The following UNC80 variants were observed in gnomAD, a reference collection of about 807,000 sequenced individuals.
UNC80 encodes the protein unc-80 subunit of NALCN channel complex.
A neutral mutation model predicts 384.6 loss-of-function variants in UNC80; 164 were observed. The observed-to-expected ratio is 0.43, with a 90% CI of 0.38 to 0.49. UNC80 has a LOEUF of 0.49. UNC80 is among the 20% of genes least tolerant of loss of function. The probability of loss-of-function intolerance (pLI) is 0.00; values close to 1 mark genes in which losing one functional copy is unlikely to be tolerated. For missense variants in UNC80, 3,330 were observed against 4,143.0 expected (o/e 0.80, Z 5.39); for synonymous variants, 1,486 against 1,527.8 (o/e 0.97, Z 0.64).
At chr2:209,922,200 A>C in intron 34 of UNC80, 52 bp from the exon 35 acceptor site, 1 of 1,544,482 alleles carries the variant, frequency 6.5e-7, no homozygotes, top group Non-Finnish European at 8.8e-7. Context: ...TGTGATAATA[A>C]TAACTCTTTT....
rs1364261298 is a variant in UNC80 at position 209,817,940 on chromosome 2, A to G, written c.1681A>G (p.Thr561Ala). 2 of 1,551,510 alleles carry G rather than the reference A, an allele frequency of 1.3e-6. No homozygotes were observed. The highest frequency in any genetic ancestry group is 1.4e-5 in the African/African-American group (1 of 73,114). Residue 561 changes from threonine to alanine, a missense_variant, in exon 11 of 65, where the codon ACC becomes GCC. This residue lies in a region of UNC80 where 937 missense variants were observed against 1,026.8 expected (regional missense o/e 0.91). Transcript: ENST00000673920. ...PDPSNSHGEN[T>A]VKEVRSQIST... ...CCCCTCCAACAGCCATGGAGAAAAC[A>G]CCGTCAAGGAAGGTGGGTAGGAGGT...
intron 29 of UNC80, among the ~76,000 whole-genome samples, chr2:209,909,743 A>G (rs1388011052): frequency 1.3e-5 from 2 of 152,130 alleles, no homozygotes; most frequent in Non-Finnish European, 2.9e-5. Flanking sequence ...GAGGAGTCAC[A>G]GAGTCAACTA....
At chr2:209,870,064 G>T (rs777371726) in intron 22 of UNC80, among the ~76,000 whole-genome samples, 2 of 152,114 alleles carry the variant, frequency 1.3e-5, no homozygotes, top group Non-Finnish European at 2.9e-5. Flanking sequence ...CCTCTCAGTT[G>T]CCATCTAACA....
intron 14 of UNC80, among the ~76,000 whole-genome samples, chr2:209,828,765 G>A (rs938572781): frequency 3.9e-5 from 6 of 151,924 alleles, no homozygotes; most frequent in African/African-American, 7.3e-5. Context: ...CAGAGACTTC[G>A]GTCATTGTCC....
In UNC80 at chr2:209,993,321, C is replaced by T. The variant is rs1401772812; in HGVS notation, c.9403C>T (p.Arg3135Cys). 8 of 1,551,606 alleles carry T rather than the reference C, an allele frequency of 5.2e-6. No individual in the cohort carries two copies. The highest frequency in any genetic ancestry group is 3.3e-4 in the Middle Eastern group (2 of 6,018). Reference sequence around the variant, plus strand: ...TTCTGCCTATTCTCTTTAGCTAAGACGTCCTCTACTATCACGTCAGAAAAC... The same window carrying T: ...TTCTGCCTATTCTCTTTAGCTAAGATGTCCTCTACTATCACGTCAGAAAAC... ...GRKRGLRQLR[R>C]PLLSRQKTQT... Residue 3135 changes from arginine (R) to cysteine (C), a missense_variant, in exon 63 of 65, where the codon CGT becomes TGT. Physicochemically the swap from Arg to Cys is radical, Grantham distance 180 (BLOSUM62 -3). Transcript: ENST00000673920.
chr2:209,840,940 C>G (rs573192468), intron 20 of UNC80, among the ~76,000 whole-genome samples: 1 of 152,106 alleles, frequency 6.6e-6, no homozygotes, highest in Non-Finnish European at 1.5e-5. Context: ...TTTAACACAC[C>G]TATGAAATGA....
At chr2:209,951,001 C>T (rs113094586) in intron 47 of UNC80, among the ~76,000 whole-genome samples, 2,591 of 151,940 alleles carry the variant, frequency 0.017, 92 homozygotes, top group African/African-American at 0.059. Context: ...GGCAAAACCC[C>T]GTCCCTACAA....
rs1440293420 is a variant in UNC80, at chr2:209,967,426, A to G, written c.7806-11A>G. On this transcript the variant is annotated splice_polypyrimidine_tract_variant and intron_variant, in intron 51 of 64. Transcript: ENST00000673920. ...TACTTTAAAATATATATACATATAT[A>G]TATATTTTAGGTTGGCAGAAATTGC... 4 of 1,535,132 alleles carry G rather than the reference A, an allele frequency of 2.6e-6. No homozygotes were observed. The highest frequency in any genetic ancestry group is 2.0e-5 in the Admixed American group (1 of 49,744).
chr2:209,791,991 A>G (rs1311838945), intron 6 of UNC80, among the ~76,000 whole-genome samples: 1 of 152,126 alleles, frequency 6.6e-6, no homozygotes, highest in Admixed American at 6.5e-5. Flanking sequence ...TGTACATCAG[A>G]TTTTGAAAAT....
intron 62 of UNC80, among the ~76,000 whole-genome samples, 191 bp downstream of exon 62, chr2:209,992,438 T>C (rs1369741549): frequency 6.6e-6 from 1 of 152,166 alleles, no homozygotes; most frequent in Non-Finnish European, 1.5e-5. Flanking sequence ...AGTAAGACTC[T>C]GTCTCTAAAA....
chr2:209,825,343 A>G (rs571610467), intron 13 of UNC80, among the ~76,000 whole-genome samples: 1 of 152,314 alleles, frequency 6.6e-6, no homozygotes, highest in Admixed American at 6.5e-5. Flanking sequence ...TTAAGGGAAG[A>G]ATCAAGCTGA....
chr2:209,772,212 C>T (rs1265229820), intron 1 of UNC80, 48 bp downstream of exon 1: 2 of 1,213,042 alleles, frequency 1.6e-6, no homozygotes, highest in Non-Finnish European at 1.1e-6. Context: ...GCTGGGGGCG[C>T]TCCTGGGGCC....
chr2:209,969,769 C>A lies in UNC80; in HGVS notation c.8008C>A (p.Arg2670=), dbSNP rs751900819. ...AATGGCGCCTATATTGTATTCCAGG[C>A]GACAGGTTGAGTGGGAGCCTGCCAG... ...NKIHKMPTLR[R]QVEWEPASNL... Residue 2670 remains arginine (R), a splice_region_variant and synonymous_variant, in exon 53 of 65, where the codon CGA becomes AGA. Coordinates refer to ENST00000673920, the MANE Select transcript of UNC80 (RefSeq NM_001371986.1). 1.9e-6 allele frequency: 3 copies of A among 1,551,424 alleles called. No individual in the cohort carries two copies. The highest frequency in any genetic ancestry group is 2.4e-5 in the East Asian group (1 of 40,932).
chr2:209,798,687 TA>T (rs1446256576), intron 7 of UNC80, among the ~76,000 whole-genome samples: 1 of 151,016 alleles, frequency 6.6e-6, no homozygotes. Flanking sequence ...TTATTATTAT[TA>T]TTTTTTTGAG....
At chr2:209,845,966 T>C (rs2082136200) in intron 21 of UNC80, among the ~76,000 whole-genome samples, 1 of 152,078 alleles carries the variant, frequency 6.6e-6, no homozygotes, top group African/African-American at 2.4e-5. Flanking sequence ...TCTTGATTTC[T>C]TTCTTGCTCT....
intron 22 of UNC80, among the ~76,000 whole-genome samples, chr2:209,863,771 C>G (rs574931828): frequency 6.6e-6 from 1 of 152,020 alleles, no homozygotes; most frequent in African/African-American, 2.4e-5. Flanking sequence ...TCTTTTCATT[C>G]CATTATAACA....
At chr2:209,787,601 G>A (rs1010474805) in intron 5 of UNC80, among the ~76,000 whole-genome samples, 5 of 152,140 alleles carry the variant, frequency 3.3e-5, no homozygotes, top group African/African-American at 9.7e-5. Flanking sequence ...AAAAACTCCT[G>A]TCACCTAGTG....
In UNC80 at chr2:209,817,948, G is replaced by A. The variant is rs370217639; in HGVS notation, c.1689G>A (p.Lys563=). Residue 563 remains lysine (K), a synonymous_variant, in exon 11 of 65, where the codon AAG becomes AAA. Coordinates refer to ENST00000673920, the MANE Select transcript of UNC80 (RefSeq NM_001371986.1). ...PSNSHGENTV[K]EVRSQISTIT... ...ACAGCCATGGAGAAAACACCGTCAA[G>A]GAAGGTGGGTAGGAGGTGGGGCCTA... 3.0e-5 allele frequency: 46 copies of A among 1,551,606 alleles called. No homozygotes were observed. The Middle Eastern group carries it at 8.3e-4, about 28-fold the overall frequency.
Position 209,993,309 on chromosome 2 carries a change from C to T in UNC80, c.9397-6C>T, listed in dbSNP as rs768086551. On this transcript the variant is annotated splice_polypyrimidine_tract_variant and splice_region_variant and intron_variant, in intron 62 of 64. Coordinates refer to ENST00000673920, the MANE Select transcript of UNC80 (RefSeq NM_001371986.1). The stretch of plus-strand genomic sequence containing the variant: ...TTGCAAGTTTTATTCTGCCTATTCT[C>T]TTTAGCTAAGACGTCCTCTACTATC... 1.3e-6 allele frequency: 2 copies of T among 1,551,064 alleles called. No individual in the cohort carries two copies.
Sources: allele counts gnomAD v4.1 joint callset (sites outside exome capture counted in the v4.1 genomes callset), GRCh38; gene constraint gnomAD v4.1.1; regional missense constraint gnomAD v4.1.1; transcripts MANE v1.5; gene names NCBI Gene and HGNC (gene_info 2026-07-23, HGNC 2026-07-21).